The following LTBP2 variants were observed in gnomAD, a reference collection of about 807,000 sequenced individuals.
LTBP2 encodes latent-transforming growth factor beta-binding protein 2.
Under a neutral mutation model 210.6 loss-of-function variants are expected in LTBP2, and 103 were observed. The ratio of observed to expected loss-of-function variants is 0.49; its 90% confidence interval spans 0.42 to 0.58. The LOEUF (loss-of-function observed/expected upper bound fraction) is 0.58. Ranked by LOEUF, LTBP2 falls within the 20% of genes least tolerant of loss-of-function variation. The pLI is 0.00. For missense variants in LTBP2, 2,313 were observed against 2,494.5 expected, an observed-to-expected ratio of 0.93 and a Z score of 1.55; for synonymous variants, 1,007 against 1,015.0, an observed-to-expected ratio of 0.99 and a Z score of 0.15.
intron 18 of LTBP2, among the ~76,000 whole-genome samples, chr14:74,515,117 A>G (rs1306564285): frequency 6.6e-6 from 1 of 152,178 alleles, no homozygotes; most frequent in East Asian, 1.9e-4. Flanking sequence ...TGTATACATT[A>G]GCTTATCCGG....
chr14:74,535,687 G>C, intron 9 of LTBP2, among the ~76,000 whole-genome samples: 1 of 152,180 alleles, frequency 6.6e-6, no homozygotes, highest in East Asian at 1.9e-4. Flanking sequence ...TTCCAGGTGG[G>C]TGTGGGTGGA....
chr14:74,540,944 A>AT (rs1555350227), intron 8 of LTBP2, among the ~76,000 whole-genome samples: 330 of 24,278 alleles, frequency 0.014, 4 homozygotes, highest in Admixed American at 0.018. Flanking sequence ...ATATATATAT[A>AT]TTTTTTATAT....
At position 74,565,865 on chromosome 14, in the gene LTBP2, A is replaced by G. The variant is rs76135657; in HGVS notation, c.831-10172T>C. Among the ~76,000 whole-genome samples, 89 of 152,308 alleles carry G rather than the reference A, an allele frequency of 5.8e-4. 1 individual carries two copies. In the East Asian group the frequency reaches 0.015, roughly 25 times the overall value. ...CAATTTAAAAGGGGAAAATGTAATAATGAACAGAATGGTCTCAGTTCTAAG... is the reference window on the plus strand; with the variant it reads ...CAATTTAAAAGGGGAAAATGTAATAGTGAACAGAATGGTCTCAGTTCTAAG... On this transcript the variant is annotated intron_variant, in intron 3 of 35. Coordinates refer to ENST00000261978, the MANE Select transcript of LTBP2 (RefSeq NM_000428.3).
At chr14:74,503,655 A>C in intron 31 of LTBP2, 49 bp from the exon 32 acceptor site, 1 of 1,608,028 alleles carries the variant, frequency 6.2e-7, no homozygotes. Context: ...CCTTTCCACC[A>C]ACCACCCTCA....
rs758456468 is a variant in LTBP2 at position 74,611,907 on chromosome 14, G to A, written c.38C>T (p.Ala13Val). 13 of 1,596,260 alleles carry A rather than the reference G, an allele frequency of 8.1e-6. No homozygotes were observed. The South Asian group carries it at 1.3e-4, about 16-fold the overall frequency. ...PRTKARSPGR[A>V]LRNPWRGFLP... ...GAAGCCTCTCCAGGGGTTCCGCAGGGCGCGCCCCGGGCTGCGGGCTTTGGT... is the reference window on the plus strand; with the variant it reads ...GAAGCCTCTCCAGGGGTTCCGCAGGACGCGCCCCGGGCTGCGGGCTTTGGT... Residue 13 changes from alanine to valine, a missense_variant, in exon 1 of 36, where the codon GCC becomes GTC. By Grantham distance (64) the Ala-to-Val change is moderately conservative. Coordinates refer to ENST00000261978, the MANE Select transcript of LTBP2 (RefSeq NM_000428.3).
chr14:74,612,220 G>A lies in LTBP2; in HGVS notation c.-276C>T, dbSNP rs1485604769. On this transcript the variant is annotated 5_prime_UTR_variant, in exon 1 of 36. Transcript: ENST00000261978. Reference sequence around the variant, plus strand: ...GCCTGCAGCCGTCTGAAGGGGACCCGGACGGTTTTATTTTTGGAAACCTCC... The same window carrying A: ...GCCTGCAGCCGTCTGAAGGGGACCCAGACGGTTTTATTTTTGGAAACCTCC... The A allele has an allele frequency of 4.5e-6, 2 of 444,016 alleles. No homozygotes were observed. The highest frequency in any genetic ancestry group is 5.5e-4 in the Middle Eastern group (1 of 1,818). 27.5% of individuals were successfully genotyped at this position (444,016 alleles called of 1,614,324 possible). A position where few individuals can be genotyped will look rare whatever the true frequency, so the allele number is the denominator to read the frequency against.
intron 4 of LTBP2, 76 bp from the exon 5 acceptor site, chr14:74,553,138 C>A: frequency 1.4e-6 from 2 of 1,407,870 alleles, no homozygotes; most frequent in Non-Finnish European, 2.0e-6. Flanking sequence ...GGTTAGAAAG[C>A]CCCATGGGAC....
intron 3 of LTBP2, among the ~76,000 whole-genome samples, chr14:74,563,755 A>C (rs1382041775): frequency 6.6e-6 from 1 of 151,934 alleles, no homozygotes; most frequent in Non-Finnish European, 1.5e-5. Flanking sequence ...CTCCAATGGC[A>C]CCGCTGAGTA....
In LTBP2 at chr14:74,502,868, C is replaced by A. The variant is rs773510546; in HGVS notation, c.4955G>T (p.Arg1652Leu). The stretch of plus-strand genomic sequence containing the variant: ...CCCGGGGCCATACTCATAGCCTGGC[C>A]GGAAGTGGACCCCGGCCTCCCGCTC... ...EAEREAGVHF[R>L]PGYEYGPGPD... Residue 1652 changes from arginine to leucine, a missense_variant, in exon 34 of 36, where the codon CGG becomes CTG. Transcript: ENST00000261978. 14 of 1,613,828 alleles carry A rather than the reference C, an allele frequency of 8.7e-6. No homozygotes were observed. The highest frequency in any genetic ancestry group is 1.1e-5 in the Non-Finnish European group (13 of 1,180,038).
chr14:74,536,587 C>T (rs951564235), intron 8 of LTBP2, among the ~76,000 whole-genome samples: 2 of 152,224 alleles, frequency 1.3e-5, no homozygotes, highest in Non-Finnish European at 2.9e-5. Flanking sequence ...TGGCTCATGC[C>T]TTAATCCCAG....
At chr14:74,512,071 T>C (rs956356201) in intron 18 of LTBP2, among the ~76,000 whole-genome samples, 1 of 151,456 alleles carries the variant, frequency 6.6e-6, no homozygotes, top group Non-Finnish European at 1.5e-5. Flanking sequence ...GAAGGGAGAG[T>C]GGCAACAGGA....
In LTBP2 at chr14:74,503,990, C is replaced by T. The variant is rs576502584; in HGVS notation, c.4518G>A (p.Val1506=). ...LCPNGRCLNT[V]PGYVCLCNPG... ...GATTGCACAGGCAGACATAACCAGG[C>T]ACGGTGTTGAGGCACCGGCCGTTCG... Residue 1506 remains valine (V), a synonymous_variant, in exon 31 of 36, where the codon GTG becomes GTA. Transcript: ENST00000261978. 1.2e-6 allele frequency: 2 copies of T among 1,614,142 alleles called. No homozygotes were observed. The highest frequency in any genetic ancestry group is 1.7e-5 in the Admixed American group (1 of 60,026).
At chr14:74,570,224 C>A (rs947562097) in intron 3 of LTBP2, among the ~76,000 whole-genome samples, 1 of 152,170 alleles carries the variant, frequency 6.6e-6, no homozygotes, top group Non-Finnish European at 1.5e-5. Context: ...CCATGAGATG[C>A]TCACCTCCTG....
intron 2 of LTBP2, among the ~76,000 whole-genome samples, chr14:74,592,717 G>A (rs1043933240): frequency 6.6e-6 from 1 of 152,124 alleles, no homozygotes; most frequent in African/African-American, 2.4e-5. Context: ...AACCTAGTAT[G>A]GGTTATGTGG....
chr14:74,581,649 G>A (rs915993744), intron 3 of LTBP2, among the ~76,000 whole-genome samples: 8 of 152,192 alleles, frequency 5.3e-5, no homozygotes, highest in Non-Finnish European at 1.0e-4. Flanking sequence ...TAACCTGAAT[G>A]AGCGAGGAAA....
At chr14:74,520,458 A>C (rs1369058795) in intron 17 of LTBP2, among the ~76,000 whole-genome samples, 1 of 152,196 alleles carries the variant, frequency 6.6e-6, no homozygotes, top group Non-Finnish European at 1.5e-5. Flanking sequence ...TGAGCTTCAT[A>C]TAACAAAATG....
Position 74,532,516 on chromosome 14 carries a change from T to C in LTBP2, c.1897A>G (p.Lys633Glu), listed in dbSNP as rs1378482547. Residue 633 changes from lysine (K) to glutamate (E), a missense_variant, in exon 10 of 36, where the codon AAG becomes GAG. Around this residue, in one of 3 missense-constraint regions of LTBP2, gnomAD observed 1,867 missense variants for 1,976.9 expected, o/e 0.94. Transcript: ENST00000261978. ...CTGGTATTCACACACTCCGCGTCCT[T>C]GCACAGGCCCAGGGTCAAGCACTCG... ...INECLTLGLCKDAECVNTRGS... is the reference protein window; with the variant it reads ...INECLTLGLCEDAECVNTRGS... 2 of 1,614,186 alleles carry C rather than the reference T, an allele frequency of 1.2e-6. No homozygotes were observed. The highest frequency in any genetic ancestry group is 2.2e-5 in the East Asian group (1 of 44,884).
chr14:74,506,766 G>T lies in LTBP2; in HGVS notation c.3965C>A (p.Thr1322Asn), dbSNP rs781122518. The change falls in exon 27 of 36, where the codon ACT (threonine) becomes AAT (asparagine). Residue 1322 changes from threonine to asparagine, a missense_variant. Thr to Asn is a moderately conservative substitution (Grantham distance 65). Coordinates refer to ENST00000261978, the MANE Select transcript of LTBP2 (RefSeq NM_000428.3). Reference sequence around the variant, plus strand: ...ACAGAGGCAGCGGAAGGAGCCATCAGTGTTGTCACAGAAGCCGTGGCTGCC... The same window carrying T: ...ACAGAGGCAGCGGAAGGAGCCATCATTGTTGTCACAGAAGCCGTGGCTGCC... ...MCGSHGFCDN[T>N]DGSFRCLCDQ... 3.7e-6 allele frequency: 6 copies of T among 1,613,974 alleles called. No homozygotes were observed. The South Asian group carries it at 6.6e-5, about 18-fold the overall frequency.
chr14:74,577,839 A>G (rs1032443880), intron 3 of LTBP2, among the ~76,000 whole-genome samples: 6 of 152,024 alleles, frequency 3.9e-5, no homozygotes, highest in Non-Finnish European at 8.8e-5. Context: ...GGAGATCCAC[A>G]CTAGCCCTCT....
Sources: allele counts gnomAD v4.1 joint callset (sites outside exome capture counted in the v4.1 genomes callset), GRCh38; gene constraint gnomAD v4.1.1; regional missense constraint gnomAD v4.1.1; transcripts MANE v1.5; gene names NCBI Gene and HGNC (gene_info 2026-07-23, HGNC 2026-07-21).